The following CEP43 variants were observed in gnomAD, a reference collection of about 807,000 sequenced individuals.
The protein encoded by CEP43 is centrosomal protein 43, also known as FGFR1 oncogene partner.
A neutral mutation model predicts 52.6 loss-of-function variants in CEP43; 36 were observed. The observed-to-expected ratio is 0.68, with a 90% CI of 0.52 to 0.90. The LOEUF (loss-of-function observed/expected upper bound fraction) is 0.90, where lower values mean the gene tolerates loss of function less well. Among genes scored for constraint, CEP43 ranks in the 40% least tolerant of loss-of-function variants. The probability of loss-of-function intolerance (pLI) is 0.00; values close to 1 mark genes in which losing one functional copy is unlikely to be tolerated. For synonymous variants in CEP43, 192 were observed against 172.4 expected (o/e 1.11, Z -0.89); for missense variants, 506 against 472.8 (o/e 1.07, Z -0.65).
intron 7 of CEP43, among the ~76,000 whole-genome samples, chr6:167,018,788 A>G (rs998810163): frequency 2.6e-5 from 4 of 152,196 alleles, no homozygotes; most frequent in South Asian, 2.1e-4. Context: ...TCCAGGTGAT[A>G]CAAAACCCAA....
chr6:167,049,074 A>G lies in CEP43; in HGVS notation c.*9096A>G, dbSNP rs1285271755. Reference sequence around the variant, plus strand: ...TTGTCCTATGGAAAAGTCATATAGAACGTTTGCTGTTTAATGTAGCACAGA... The same window carrying G: ...TTGTCCTATGGAAAAGTCATATAGAGCGTTTGCTGTTTAATGTAGCACAGA... On this transcript the variant is annotated 3_prime_UTR_variant, in exon 13 of 13. Coordinates refer to ENST00000366847, the MANE Select transcript of CEP43 (RefSeq NM_007045.4). 1 of 152,220 alleles carries G rather than the reference A, an allele frequency of 6.6e-6. No individual in the cohort carries two copies. Among genetic ancestry groups the G allele is most frequent in the Non-Finnish European group, 1.5e-5 (1 of 68,046 alleles). 9.4% of individuals were successfully genotyped at this position (152,220 alleles called of 1,614,324 possible).
rs201260130 is a variant in CEP43, at chr6:167,024,868, G to A, written c.893G>A (p.Gly298Glu). The A allele has an allele frequency of 6.2e-7, 1 of 1,610,114 alleles. No individual in the cohort carries two copies. The highest frequency in any genetic ancestry group is 1.3e-5 in the African/African-American group (1 of 74,910). ...AAAAGTGGACTCAGCTCCCTGGCGG[G>A]AGCCCCTTCTTTAAAAGACTCTGAG... ...PLKSGLSSLA[G>E]APSLKDSESK... The change falls in exon 9 of 13, where the codon GGA becomes GAA. Residue 298 changes from glycine to glutamate, a missense_variant. Transcript: ENST00000366847.
intron 12 of CEP43, among the ~76,000 whole-genome samples, chr6:167,034,402 A>G (rs540594636): frequency 6.6e-6 from 1 of 152,342 alleles, no homozygotes; most frequent in East Asian, 1.9e-4. Context: ...GACTGGGCTA[A>G]AATCCACAGG....
rs1236882671 is a variant in CEP43 at position 167,049,286 on chromosome 6, G to A, written c.*9308G>A. On this transcript the variant is annotated 3_prime_UTR_variant, in exon 13 of 13. Transcript: ENST00000366847. ...CAACTCTAAATTTTATGAACTTCAA[G>A]TGCTATAAAACAATTACCACAGTAA... 1 of 152,188 alleles carries A rather than the reference G, an allele frequency of 6.6e-6. No homozygotes were observed. The highest frequency in any genetic ancestry group is 1.5e-5 in the Non-Finnish European group (1 of 68,030). The allele number at this position is 152,188 out of a possible 1,614,324, so 9.4% of individuals were successfully genotyped here.
At chr6:167,009,499 CAAAAAAAAAAAAA>C (rs139374939) in intron 5 of CEP43, among the ~76,000 whole-genome samples, 9 of 44,148 alleles carry the variant, frequency 2.0e-4, no homozygotes, top group Middle Eastern at 0.019. Context: ...GACTCTGTCT[CAAAAAAAAAAAAA>C]AAAAAAAAAA....
Position 167,023,707 on chromosome 6 carries a change from G to GA in CEP43, c.807-1073dup, listed in dbSNP as rs549686021. ...ACCTTGAGGCCAGAGCAGGGAGCTA[G>GA]AAGCAGCAGAGGAGATGGAACCAGG... On this transcript the variant is annotated intron_variant, in intron 8 of 12. Transcript: ENST00000366847. 1.8e-3 allele frequency among the ~76,000 whole-genome samples: 279 copies of GA among 152,322 alleles called. 2 individuals are homozygous for GA. The highest frequency in any genetic ancestry group is 3.1e-3 in the South Asian group (15 of 4,824).
At position 167,040,839 on chromosome 6, in the gene CEP43, T is replaced by C; in HGVS notation, c.*861T>C. Reference sequence around the variant, plus strand: ...CCAAATTGGAATGAAATAGTAGTAATGGCCTAAGACCATGTTCAGTTTGAC... The same window carrying C: ...CCAAATTGGAATGAAATAGTAGTAACGGCCTAAGACCATGTTCAGTTTGAC... On this transcript the variant is annotated 3_prime_UTR_variant, in exon 13 of 13. Transcript: ENST00000366847. 9.8e-7 allele frequency: 1 copy of C among 1,024,154 alleles called. No individual in the cohort carries two copies. The highest frequency in any genetic ancestry group is 1.2e-6 in the Non-Finnish European group (1 of 852,762). 63.4% of individuals were successfully genotyped at this position (1,024,154 alleles called of 1,614,324 possible).
chr6:167,034,572 A>G (rs1365363178), intron 12 of CEP43, among the ~76,000 whole-genome samples: 1 of 152,182 alleles, frequency 6.6e-6, no homozygotes. Context: ...AGAGGAGTCT[A>G]CCAGTCAGGT....
Position 167,040,039 on chromosome 6 carries a change from T to TC in CEP43, c.*61_*62insC. 1 of 1,612,838 alleles carries TC rather than the reference T, an allele frequency of 6.2e-7. No individual in the cohort carries two copies. Among genetic ancestry groups the TC allele is most frequent in the South Asian group, 1.1e-5 (1 of 90,728 alleles). On this transcript the variant is annotated 3_prime_UTR_variant, in exon 13 of 13. Coordinates refer to ENST00000366847, the MANE Select transcript of CEP43 (RefSeq NM_007045.4). The stretch of plus-strand genomic sequence containing the variant: ...GAGGACTGACCGGTTCCATTTTTTT[T>TC]TTTTCCAGACAATCACTCAGCTGGA...
At chr6:167,015,704 G>T (rs1049183192) in intron 7 of CEP43, among the ~76,000 whole-genome samples, 5 of 152,094 alleles carry the variant, frequency 3.3e-5, no homozygotes, top group African/African-American at 1.2e-4. Flanking sequence ...AGTACTAGTG[G>T]CTCACTCAGA....
chr6:167,008,447 A>G (rs1267609235), intron 5 of CEP43, among the ~76,000 whole-genome samples: 1 of 151,866 alleles, frequency 6.6e-6, no homozygotes, highest in Non-Finnish European at 1.5e-5. Context: ...TCTCTTACAC[A>G]GTCTAAGGCA....
At chr6:167,005,084 A>G (rs1440743308) in intron 5 of CEP43, among the ~76,000 whole-genome samples, 4 of 152,204 alleles carry the variant, frequency 2.6e-5, no homozygotes, top group Non-Finnish European at 4.4e-5. Context: ...ACTGTTCCAG[A>G]TATTTGATTA....
At chr6:167,009,247 C>T (rs1045285255) in intron 5 of CEP43, among the ~76,000 whole-genome samples, 18 of 151,850 alleles carry the variant, frequency 1.2e-4, no homozygotes, top group African/African-American at 4.4e-4. Flanking sequence ...AAAAAATTGG[C>T]CAGGTGCGGT....
chr6:167,028,384 T>C (rs1277730049), intron 10 of CEP43: 1 of 985,282 alleles, frequency 1.0e-6, no homozygotes, highest in Admixed American at 6.2e-5. Context: ...GACTTAGGCA[T>C]ATCTCGGGTT....
chr6:167,025,105 T>C, intron 9 of CEP43: 1 of 360,468 alleles, frequency 2.8e-6, no homozygotes, highest in Non-Finnish European at 4.9e-6. Context: ...TGGCCCTTCC[T>C]ATACCTATAT....
Position 167,047,935 on chromosome 6 carries a change from T to G in CEP43, c.*7957T>G, listed in dbSNP as rs1036827642. The G allele has an allele frequency of 2.0e-5, 3 of 152,184 alleles. No individual in the cohort carries two copies. Among genetic ancestry groups the G allele is most frequent in the Non-Finnish European group, 2.9e-5 (2 of 68,028 alleles). The allele number at this position is 152,184 out of a possible 1,614,324, so 9.4% of individuals were successfully genotyped here. On this transcript the variant is annotated 3_prime_UTR_variant, in exon 13 of 13. Coordinates refer to ENST00000366847, the MANE Select transcript of CEP43 (RefSeq NM_007045.4). Reference sequence around the variant, plus strand: ...TTTCATTTCGTTCACAAGAGAATTATGAGACTAGAAAAACAACAATTCTTA... The same window carrying G: ...TTTCATTTCGTTCACAAGAGAATTAGGAGACTAGAAAAACAACAATTCTTA...
intron 12 of CEP43, chr6:167,036,501 G>A: frequency 1.0e-6 from 1 of 985,416 alleles, no homozygotes; most frequent in Non-Finnish European, 1.2e-6. Context: ...AGGGCCACAC[G>A]TTCCTAAGGG....
intron 9 of CEP43, 134 bp from the exon 10 acceptor site, chr6:167,026,413 T>C: frequency 1.5e-6 from 1 of 657,614 alleles, no homozygotes; most frequent in South Asian, 1.7e-5. Flanking sequence ...TCACAGTTTA[T>C]TTTTTCCTTA....
At chr6:167,012,785 G>T (rs979435240) in intron 6 of CEP43, among the ~76,000 whole-genome samples, 1 of 152,110 alleles carries the variant, frequency 6.6e-6, no homozygotes, top group Non-Finnish European at 1.5e-5. Flanking sequence ...TCCAGAGAAG[G>T]GGGGACTGTC....
Sources: allele counts gnomAD v4.1 joint callset (sites outside exome capture counted in the v4.1 genomes callset), GRCh38; gene constraint gnomAD v4.1.1; transcripts MANE v1.5; gene names NCBI Gene and HGNC (gene_info 2026-07-23, HGNC 2026-07-21).